Variants in GFRAL observed in about 807,000 individuals in gnomAD.
GFRAL encodes the protein GDNF family receptor alpha-like.
In GFRAL, 36 loss-of-function variants were observed where a neutral mutation model predicts 45.4. The ratio of observed to expected loss-of-function variants is 0.79; its 90% CI spans 0.61 to 1.05. The LOEUF (loss-of-function observed/expected upper bound fraction) is 1.05. Among genes scored for constraint, GFRAL ranks in the 50% least tolerant of loss-of-function variants. GFRAL has a pLI of 0.00. For synonymous variants in GFRAL, 166 were observed against 154.1 expected (o/e 1.08, Z -0.57); for missense variants, 507 against 467.5 (o/e 1.08, Z -0.78).
At chr6:55,338,596 A>G (rs1400812999) in intron 3 of GFRAL, among the ~76,000 whole-genome samples, 5 of 152,170 alleles carry the variant, frequency 3.3e-5, no homozygotes, top group Non-Finnish European at 7.4e-5. Context: ...ACACAGACAA[A>G]GTACTAGAAG....
At chr6:55,328,023 AATT>A (rs1159029315) in intron 1 of GFRAL, among the ~76,000 whole-genome samples, 2 of 152,022 alleles carry the variant, frequency 1.3e-5, no homozygotes, top group East Asian at 3.8e-4. Flanking sequence ...TAAAACATTC[AATT>A]TACCTACAGT....
intron 3 of GFRAL, among the ~76,000 whole-genome samples, chr6:55,336,233 C>T (rs565302985): frequency 1.6e-4 from 24 of 152,140 alleles, no homozygotes; most frequent in African/African-American, 3.4e-4. Flanking sequence ...TGTGAGCCAC[C>T]GGGCCGGGCC....
intron 3 of GFRAL, among the ~76,000 whole-genome samples, chr6:55,344,492 G>C (rs548395521): frequency 2.0e-5 from 3 of 152,002 alleles, no homozygotes; most frequent in Non-Finnish European, 2.9e-5. Context: ...ATTAAACAAC[G>C]CTTCATGCTA....
At chr6:55,369,175 G>A (rs949407950) in intron 6 of GFRAL, among the ~76,000 whole-genome samples, 15 of 152,096 alleles carry the variant, frequency 9.9e-5, no homozygotes, top group African/African-American at 2.9e-4. Flanking sequence ...TCGGAAAAGC[G>A]CAGTATTCGG....
intron 3 of GFRAL, among the ~76,000 whole-genome samples, chr6:55,341,123 C>A (rs1014918415): frequency 6.6e-6 from 1 of 152,204 alleles, no homozygotes; most frequent in Admixed American, 6.5e-5. Flanking sequence ...CAAAAGACAG[C>A]AGAAACCTCT....
At chr6:55,397,629 T>G (rs995842684) in intron 6 of GFRAL, among the ~76,000 whole-genome samples, 2 of 152,172 alleles carry the variant, frequency 1.3e-5, no homozygotes, top group South Asian at 2.1e-4. Context: ...TAGTCTTGTG[T>G]TGGGCTGCTG....
chr6:55,394,952 G>A (rs1181613956), intron 6 of GFRAL, among the ~76,000 whole-genome samples: 1 of 151,840 alleles, frequency 6.6e-6, no homozygotes, highest in Non-Finnish European at 1.5e-5. Context: ...GAGCCAAAAA[G>A]AAATCCCATA....
intron 6 of GFRAL, among the ~76,000 whole-genome samples, chr6:55,388,230 CA>C (rs140891208): frequency 0.064 from 9,755 of 151,958 alleles, 510 homozygotes; most frequent in African/African-American, 0.14. Context: ...TAGTGTCTTT[CA>C]AAAAAAACTC....
intron 5 of GFRAL, among the ~76,000 whole-genome samples, chr6:55,354,142 C>A (rs1768155828): frequency 6.6e-6 from 1 of 152,024 alleles, no homozygotes; most frequent in Non-Finnish European, 1.5e-5. Flanking sequence ...CATGGTATTT[C>A]TGAGCATCCA....
chr6:55,364,756 C>G (rs1450105739), intron 6 of GFRAL, among the ~76,000 whole-genome samples: 1 of 151,728 alleles, frequency 6.6e-6, no homozygotes, highest in South Asian at 2.1e-4. Context: ...TGTAGATATG[C>G]GGCGTGATTT....
chr6:55,380,673 A>G (rs561236436), intron 6 of GFRAL, among the ~76,000 whole-genome samples: 1 of 152,044 alleles, frequency 6.6e-6, no homozygotes, highest in East Asian at 1.9e-4. Flanking sequence ...GGAAAGACCA[A>G]TAAGACTAAT....
intron 2 of GFRAL, among the ~76,000 whole-genome samples, chr6:55,332,857 T>C (rs1200637331): frequency 6.8e-6 from 1 of 148,132 alleles, no homozygotes; most frequent in African/African-American, 2.4e-5. Flanking sequence ...TAGAATAAAG[T>C]AAATAGAATA....
At position 55,373,708 on chromosome 6, in the gene GFRAL, G is replaced by A. The variant is rs75164346; in HGVS notation, c.952+14570G>A. 4.2e-3 allele frequency among the ~76,000 whole-genome samples: 636 copies of A among 151,684 alleles called. 5 individuals are homozygous for A. Among genetic ancestry groups the A allele is most frequent in the African/African-American group, 0.015 (605 of 41,332 alleles). On this transcript the variant is annotated intron_variant, in intron 6 of 8. Transcript: ENST00000340465. ...AATTTATTTAACTTAGAAATACTAG[G>A]CCTTTTATGACTGGAGATATTTTCC...
chr6:55,345,696 G>T (rs1304673900), intron 3 of GFRAL, among the ~76,000 whole-genome samples: 18 of 152,130 alleles, frequency 1.2e-4, no homozygotes, highest in Non-Finnish European at 2.1e-4. Context: ...TGACAAATGG[G>T]ATCTAATTAA....
rs774639697 is a variant in GFRAL at position 55,340,657 on chromosome 6, G to A, written c.316+6713G>A. On this transcript the variant is annotated intron_variant, in intron 3 of 8. Transcript: ENST00000340465. ...TGAGGTACCAGGTTCATCTCACTGG[G>A]GCTTGTCAGACAGTGGGGGCAGGAT... Among the ~76,000 whole-genome samples, 3 of 152,238 alleles carry A rather than the reference G, an allele frequency of 2.0e-5. No homozygotes were observed. In the East Asian group the frequency reaches 5.8e-4, roughly 29 times the overall value.
intron 6 of GFRAL, among the ~76,000 whole-genome samples, chr6:55,369,948 T>A (rs1439570435): frequency 6.6e-6 from 1 of 152,180 alleles, no homozygotes; most frequent in African/African-American, 2.4e-5. Flanking sequence ...TCCTTAATGA[T>A]CCTGATCACA....
chr6:55,398,309 G>T (rs768111384), intron 6 of GFRAL, among the ~76,000 whole-genome samples: 6 of 152,272 alleles, frequency 3.9e-5, no homozygotes, highest in Non-Finnish European at 7.4e-5. Context: ...TATAACAGAA[G>T]ACCGCAACCT....
chr6:55,401,078 A>G (rs1026488261), intron 8 of GFRAL, among the ~76,000 whole-genome samples: 7 of 152,182 alleles, frequency 4.6e-5, no homozygotes, highest in African/African-American at 1.4e-4. Flanking sequence ...TCTCACCTGC[A>G]TAGAAGGCAT....
Position 55,337,956 on chromosome 6 carries a change from T to C in GFRAL, c.316+4012T>C, listed in dbSNP as rs527790890. On this transcript the variant is annotated intron_variant, in intron 3 of 8. Transcript: ENST00000340465. Reference sequence around the variant, plus strand: ...ATTTTATTCTTTCCTCATATAAGCATTTAATACTATGAATTTCCTTCCAAG... The same window carrying C: ...ATTTTATTCTTTCCTCATATAAGCACTTAATACTATGAATTTCCTTCCAAG... 1.4e-4 allele frequency among the ~76,000 whole-genome samples: 21 copies of C among 152,332 alleles called. No homozygotes were observed. In the East Asian group the frequency reaches 4.0e-3, roughly 29 times the overall value.
Sources: gnomAD v4.1 joint callset for allele counts (sites outside exome capture counted in the v4.1 genomes callset) on GRCh38, gnomAD v4.1.1 for gene constraint, MANE v1.5 for transcripts, NCBI Gene and HGNC (gene_info 2026-07-23, HGNC 2026-07-21) for gene names.